Variants in GSK3B observed in about 807,000 individuals in gnomAD.
GSK3B encodes the protein glycogen synthase kinase-3 beta.
Under a neutral mutation model 56.4 loss-of-function variants are expected in GSK3B, and 15 were observed. The observed-to-expected ratio is 0.27, with a 90% confidence interval of 0.18 to 0.41. The LOEUF is 0.41. GSK3B is among the 10% of genes least tolerant of loss of function. The pLI is 1.00. For missense variants in GSK3B, 300 were observed against 513.4 expected (o/e 0.58, Z 4.02); for synonymous variants, 181 against 188.9 (o/e 0.96, Z 0.34).
chr3:119,943,677 T>G (rs2107488218), intron 3 of GSK3B, among the ~76,000 whole-genome samples: 1 of 152,016 alleles, frequency 6.6e-6, no homozygotes, highest in South Asian at 2.1e-4. Context: ...GAGAGTGGGA[T>G]GGGTAAAATC....
At chr3:120,007,590 C>T (rs148898792) in intron 1 of GSK3B, among the ~76,000 whole-genome samples, 5,742 of 152,266 alleles carry the variant, frequency 0.038, 138 homozygotes, top group Middle Eastern at 0.068. Context: ...GGCTTCATCC[C>T]TGGGATGACA....
At chr3:119,968,819 C>T (rs2057341585) in intron 2 of GSK3B, among the ~76,000 whole-genome samples, 1 of 152,104 alleles carries the variant, frequency 6.6e-6, no homozygotes, top group African/African-American at 2.4e-5. Flanking sequence ...AAGGAATCAA[C>T]CACAAATAAA....
At chr3:119,902,090 A>G (rs1307934921) in intron 7 of GSK3B, among the ~76,000 whole-genome samples, 1 of 152,210 alleles carries the variant, frequency 6.6e-6, no homozygotes, top group East Asian at 1.9e-4. Flanking sequence ...TGAACTGGGC[A>G]TTTATGAGAC....
intron 1 of GSK3B, among the ~76,000 whole-genome samples, chr3:120,037,262 T>C (rs933708801): frequency 2.6e-5 from 4 of 152,218 alleles, no homozygotes; most frequent in Non-Finnish European, 5.9e-5. Flanking sequence ...GCTATTATAT[T>C]GTAAATGGTC....
intron 2 of GSK3B, among the ~76,000 whole-genome samples, chr3:119,952,294 C>G (rs1032675141): frequency 2.6e-4 from 39 of 151,864 alleles, no homozygotes; most frequent in Non-Finnish European, 4.6e-4. Flanking sequence ...TCAAGACCAG[C>G]CTGGCCAACA....
chr3:119,953,838 T>C (rs552101284), intron 2 of GSK3B, among the ~76,000 whole-genome samples: 2 of 152,294 alleles, frequency 1.3e-5, no homozygotes, highest in African/African-American at 4.8e-5. Context: ...TTTTACCTTT[T>C]TAACGAGGCC....
At chr3:119,986,643 A>G (rs2107460267) in intron 2 of GSK3B, among the ~76,000 whole-genome samples, 2 of 152,350 alleles carry the variant, frequency 1.3e-5, no homozygotes, top group South Asian at 4.1e-4. Flanking sequence ...ATACCATCTC[A>G]CGCCAGTTAG....
At chr3:120,006,965 AT>A (rs1043797292) in intron 1 of GSK3B, among the ~76,000 whole-genome samples, 11 of 152,198 alleles carry the variant, frequency 7.2e-5, no homozygotes, top group East Asian at 5.8e-4. Context: ...AAAAAAAAAA[AT>A]AAATGAATCC....
At chr3:119,898,790 C>T (rs1310843740) in intron 7 of GSK3B, among the ~76,000 whole-genome samples, 1 of 152,092 alleles carries the variant, frequency 6.6e-6, no homozygotes, top group African/African-American at 2.4e-5. Context: ...TTTTCCTATA[C>T]ATACATACCT....
At chr3:120,057,724 T>G (rs1001800494) in intron 1 of GSK3B, among the ~76,000 whole-genome samples, 11 of 152,164 alleles carry the variant, frequency 7.2e-5, no homozygotes, top group African/African-American at 2.7e-4. Flanking sequence ...TCCAAGCATT[T>G]TACATGCCTT....
intron 6 of GSK3B, among the ~76,000 whole-genome samples, chr3:119,907,216 T>C (rs2056691374): frequency 6.6e-6 from 1 of 152,148 alleles, no homozygotes; most frequent in East Asian, 1.9e-4. Context: ...TAATATGCAC[T>C]CAACTTTTTT....
At chr3:120,076,544 G>T (rs535455647) in intron 1 of GSK3B, among the ~76,000 whole-genome samples, 1 of 152,060 alleles carries the variant, frequency 6.6e-6, no homozygotes, top group Non-Finnish European at 1.5e-5. Context: ...GGCTGGGCGC[G>T]GTGGCTCACG....
At position 120,083,786 on chromosome 3, in the gene GSK3B, G is replaced by A. The variant is rs559907910; in HGVS notation, c.88+9561C>T. 5.9e-5 allele frequency among the ~76,000 whole-genome samples: 9 copies of A among 152,234 alleles called. No homozygotes were observed. The East Asian group carries it at 9.6e-4, about 16-fold the overall frequency. ...TCCATCAACTAATAAACAAATCGCAGGATTTCCATACAATGAAATGTTATT... is the reference window on the plus strand; with the variant it reads ...TCCATCAACTAATAAACAAATCGCAAGATTTCCATACAATGAAATGTTATT... On this transcript the variant is annotated intron_variant, in intron 1 of 10. Coordinates refer to ENST00000264235, the MANE Select transcript of GSK3B (RefSeq NM_001146156.2).
At chr3:119,993,530 A>G (rs1037794353) in intron 2 of GSK3B, among the ~76,000 whole-genome samples, 6 of 152,226 alleles carry the variant, frequency 3.9e-5, no homozygotes, top group Admixed American at 3.9e-4. Flanking sequence ...GATAAAAAAC[A>G]TAAACAGTGA....
rs953291453 is a variant in GSK3B at position 119,890,515 on chromosome 3, T to C, written c.814-14007A>G. Among the ~76,000 whole-genome samples, 4 of 152,066 alleles carry C rather than the reference T, an allele frequency of 2.6e-5. No individual in the cohort carries two copies. The East Asian group carries it at 7.7e-4, about 29-fold the overall frequency. ...GGAGAATGAACAGGGTGACCAACCA[T>C]CCCAGTTTGCCTGGGACCATCTTGG... On this transcript the variant is annotated intron_variant, in intron 7 of 10. Coordinates refer to ENST00000264235, the MANE Select transcript of GSK3B (RefSeq NM_001146156.2).
intron 7 of GSK3B, among the ~76,000 whole-genome samples, chr3:119,885,292 T>C (rs983814346): frequency 6.7e-6 from 1 of 148,198 alleles, no homozygotes; most frequent in African/African-American, 2.5e-5. Flanking sequence ...TAAAATAAAA[T>C]ACCTAGGAAT....
intron 9 of GSK3B, among the ~76,000 whole-genome samples, chr3:119,859,143 T>C (rs1437402143): frequency 6.7e-6 from 1 of 150,230 alleles, no homozygotes; most frequent in Non-Finnish European, 1.5e-5. Flanking sequence ...AAAACAGGCT[T>C]AGTCAACACA....
At chr3:119,883,168 T>C (rs370088887) in intron 7 of GSK3B, among the ~76,000 whole-genome samples, 14 of 152,290 alleles carry the variant, frequency 9.2e-5, no homozygotes, top group African/African-American at 3.4e-4. Flanking sequence ...CTAGTCTTTT[T>C]CTTACTGTAT....
At chr3:119,906,372 T>C (rs2056682411) in intron 6 of GSK3B, among the ~76,000 whole-genome samples, 1 of 152,086 alleles carries the variant, frequency 6.6e-6, no homozygotes, top group Non-Finnish European at 1.5e-5. Flanking sequence ...AAATATATCA[T>C]TTTTAAATAA....
Sources: allele counts gnomAD v4.1 joint callset (sites outside exome capture counted in the v4.1 genomes callset), GRCh38; gene constraint gnomAD v4.1.1; transcripts MANE v1.5; gene names NCBI Gene and HGNC (gene_info 2026-07-23, HGNC 2026-07-21).